The following HS6ST3 variants were observed in gnomAD, a reference collection of about 807,000 sequenced individuals.
The protein encoded by HS6ST3 is heparan sulfate 6-O-sulfotransferase 3.
In HS6ST3, 12 loss-of-function variants were observed where a neutral mutation model predicts 36.7. The observed-to-expected ratio is 0.33, with a 90% CI of 0.21 to 0.53. The LOEUF is 0.53. Ranked by LOEUF, HS6ST3 falls within the 20% of genes least tolerant of loss-of-function variation. The probability of loss-of-function intolerance (pLI) is 0.95; values close to 1 mark genes in which losing one functional copy is unlikely to be tolerated. For synonymous variants in HS6ST3, 240 were observed against 257.5 expected (o/e 0.93, Z 0.65); for missense variants, 584 against 640.9 (o/e 0.91, Z 0.96).
intron 1 of HS6ST3, among the ~76,000 whole-genome samples, chr13:96,827,162 G>T (rs181481501): frequency 6.1e-4 from 93 of 152,288 alleles, no homozygotes; most frequent in Non-Finnish European, 2.6e-4. Flanking sequence ...GGGTGCCTAA[G>T]ATCTCCTTGA....
intron 1 of HS6ST3, among the ~76,000 whole-genome samples, chr13:96,246,160 G>T (rs1185365304): frequency 6.6e-6 from 1 of 152,008 alleles, no homozygotes; most frequent in Non-Finnish European, 1.5e-5. Flanking sequence ...CTCTCTCAGA[G>T]GAGAGCCATA....
At chr13:96,790,418 A>G (rs1009212018) in intron 1 of HS6ST3, among the ~76,000 whole-genome samples, 2 of 151,964 alleles carry the variant, frequency 1.3e-5, no homozygotes, top group Non-Finnish European at 2.9e-5. Flanking sequence ...TTAGGAAGTC[A>G]TAAAAACTAA....
At chr13:96,546,124 G>A (rs2056196761) in intron 1 of HS6ST3, among the ~76,000 whole-genome samples, 1 of 152,054 alleles carries the variant, frequency 6.6e-6, no homozygotes, top group African/African-American at 2.4e-5. Context: ...TTGTAACTTT[G>A]CTTAATAATA....
At chr13:96,267,176 CCTT>C (rs1352134431) in intron 1 of HS6ST3, among the ~76,000 whole-genome samples, 1 of 152,156 alleles carries the variant, frequency 6.6e-6, no homozygotes, top group African/African-American at 2.4e-5. Flanking sequence ...CTTTGCTCCT[CCTT>C]CACCTTCCAC....
chr13:96,723,735 C>T (rs559171371), intron 1 of HS6ST3, among the ~76,000 whole-genome samples: 1 of 152,332 alleles, frequency 6.6e-6, no homozygotes, highest in South Asian at 2.1e-4. Context: ...TTTCTCTACC[C>T]TTCAACATGA....
intron 1 of HS6ST3, among the ~76,000 whole-genome samples, chr13:96,354,916 T>C (rs569470078): frequency 5.9e-5 from 9 of 152,276 alleles, no homozygotes; most frequent in African/African-American, 1.7e-4. Flanking sequence ...AAGGAATAAT[T>C]TCCCCAACTA....
At chr13:96,474,806 T>C (rs970098711) in intron 1 of HS6ST3, among the ~76,000 whole-genome samples, 1 of 152,228 alleles carries the variant, frequency 6.6e-6, no homozygotes, top group African/African-American at 2.4e-5. Flanking sequence ...GTTTTAATTA[T>C]CTTTTTCAAA....
At chr13:96,127,549 G>T (rs554681196) in intron 1 of HS6ST3, among the ~76,000 whole-genome samples, 96 of 152,280 alleles carry the variant, frequency 6.3e-4, no homozygotes, top group African/African-American at 2.0e-3. Context: ...GACTGGTATT[G>T]GTCTGTGGCC....
chr13:96,830,386 A>G (rs1878752007), intron 1 of HS6ST3, among the ~76,000 whole-genome samples: 1 of 152,240 alleles, frequency 6.6e-6, no homozygotes, highest in Non-Finnish European at 1.5e-5. Flanking sequence ...CAGGGGAGGA[A>G]TATCTACAAC....
chr13:96,715,345 A>G lies in HS6ST3; in HGVS notation c.708-117145A>G, dbSNP rs561272993. Among the ~76,000 whole-genome samples, 25 of 152,276 alleles carry G rather than the reference A, an allele frequency of 1.6e-4. No individual in the cohort carries two copies. The Middle Eastern group carries it at 0.01, about 62-fold the overall frequency. ...GGGAAAGGTGGGTAGATGATGGATT[A>G]GAGAAGTACATTTGGTTCTTTAATT... On this transcript the variant is annotated intron_variant, in intron 1 of 1. Transcript: ENST00000376705.
intron 1 of HS6ST3, among the ~76,000 whole-genome samples, chr13:96,392,903 G>T (rs1246809031): frequency 6.6e-6 from 1 of 152,112 alleles, no homozygotes; most frequent in Non-Finnish European, 1.5e-5. Flanking sequence ...AAGGATCATG[G>T]GGTGATATGG....
chr13:96,536,915 A>G (rs2056157773), intron 1 of HS6ST3, among the ~76,000 whole-genome samples: 1 of 152,152 alleles, frequency 6.6e-6, no homozygotes, highest in Non-Finnish European at 1.5e-5. Context: ...CAGGTGGTCC[A>G]TTTTAGCCTC....
chr13:96,762,078 G>A (rs964409006), intron 1 of HS6ST3, among the ~76,000 whole-genome samples: 17 of 151,710 alleles, frequency 1.1e-4, no homozygotes, highest in South Asian at 2.1e-4. Flanking sequence ...ACACATATAC[G>A]TATATGTGTA....
chr13:96,210,273 C>A (rs530939125), intron 1 of HS6ST3, among the ~76,000 whole-genome samples: 1 of 152,292 alleles, frequency 6.6e-6, no homozygotes, highest in African/African-American at 2.4e-5. Flanking sequence ...TTTCCTGTTG[C>A]CAAAATTTCA....
At chr13:96,199,491 A>G (rs985100022) in intron 1 of HS6ST3, among the ~76,000 whole-genome samples, 1 of 152,204 alleles carries the variant, frequency 6.6e-6, no homozygotes, top group Non-Finnish European at 1.5e-5. Context: ...GATGAAACTT[A>G]GCAGGCTATT....
intron 1 of HS6ST3, among the ~76,000 whole-genome samples, chr13:96,444,600 G>T (rs1361404701): frequency 6.6e-6 from 1 of 152,092 alleles, no homozygotes; most frequent in Non-Finnish European, 1.5e-5. Flanking sequence ...ATGGGATTGT[G>T]CATAAACAAT....
Position 96,090,841 on chromosome 13 carries a change from C to T in HS6ST3, c.-22C>T, listed in dbSNP as rs200303345. ...GCCGCCGCCGCCGCCGCCGCTTCGC[C>T]TGCCGGCCTGAGAGCGGGACCATGG... On this transcript the variant is annotated 5_prime_UTR_variant, in exon 1 of 2. Transcript: ENST00000376705. 3,791 of 1,478,290 alleles carry T rather than the reference C, an allele frequency of 2.6e-3. 82 individuals carry two copies. The African/African-American group carries it at 0.051, about 20-fold the overall frequency. The allele number at this position is 1,478,290 out of a possible 1,614,324, so 91.6% of individuals were successfully genotyped here.
At position 96,839,460 on chromosome 13, in the gene HS6ST3, G is replaced by A. The variant is rs750590277; in HGVS notation, c.*6262G>A. ...TATTGTGACATTATCAACCTTTATTGCTATTTAAAAATGATAGTTTGTAGA... is the reference window on the plus strand; with the variant it reads ...TATTGTGACATTATCAACCTTTATTACTATTTAAAAATGATAGTTTGTAGA... On this transcript the variant is annotated 3_prime_UTR_variant, in exon 2 of 2. Coordinates refer to ENST00000376705, the MANE Select transcript of HS6ST3 (RefSeq NM_153456.4). 1 of 152,100 alleles carries A rather than the reference G, an allele frequency of 6.6e-6. No individual in the cohort carries two copies. The highest frequency in any genetic ancestry group is 1.5e-5 in the Non-Finnish European group (1 of 68,020). 9.4% of individuals were successfully genotyped at this position (152,100 alleles called of 1,614,324 possible).
intron 1 of HS6ST3, among the ~76,000 whole-genome samples, chr13:96,101,078 G>A (rs1283643892): frequency 6.6e-6 from 1 of 152,140 alleles, no homozygotes. Context: ...TAATTTGGGT[G>A]TTTTGTCATC....
Sources: gnomAD v4.1 joint callset for allele counts (sites outside exome capture counted in the v4.1 genomes callset) on GRCh38, gnomAD v4.1.1 for gene constraint, MANE v1.5 for transcripts, NCBI Gene and HGNC (gene_info 2026-07-23, HGNC 2026-07-21) for gene names.